The following IPO7 variants were observed in gnomAD, a reference collection of about 807,000 sequenced individuals.
IPO7 encodes the protein importin-7.
Under a neutral mutation model 136.4 loss-of-function variants are expected in IPO7, and 13 were observed. That is an observed-to-expected ratio of 0.10 (90% CI 0.06 to 0.15). The LOEUF (loss-of-function observed/expected upper bound fraction) is 0.15. Ranked by LOEUF, IPO7 falls within the 10% of genes least tolerant of loss-of-function variation. The probability of loss-of-function intolerance (pLI) is 1.00; values close to 1 mark genes in which losing one functional copy is unlikely to be tolerated. For synonymous variants in IPO7, 403 were observed against 404.4 expected (o/e 1.00, Z 0.04); for missense variants, 857 against 1,240.6 (o/e 0.69, Z 4.65).
intron 18 of IPO7, among the ~76,000 whole-genome samples, chr11:9,434,381 C>T (rs1316971653): frequency 6.6e-6 from 1 of 152,062 alleles, no homozygotes; most frequent in Non-Finnish European, 1.5e-5. Flanking sequence ...CCCACACACC[C>T]CCTTGTAATC....
At chr11:9,419,633 C>G (rs1214971479) in intron 6 of IPO7, among the ~76,000 whole-genome samples, 1 of 144,374 alleles carries the variant, frequency 6.9e-6, no homozygotes, top group Admixed American at 7.0e-5. Context: ...CCAATTCCTT[C>G]TTTCAGTGAT....
At position 9,433,734 on chromosome 11, in the gene IPO7, G is replaced by A. The variant is rs376648595; in HGVS notation, c.1962G>A (p.Glu654=). 3.1e-6 allele frequency: 5 copies of A among 1,612,560 alleles called. No individual in the cohort carries two copies. In the African/African-American group the frequency reaches 4.0e-5, roughly 13 times the overall value. Residue 654 remains glutamate, a synonymous_variant, in exon 18 of 25, where the codon GAG becomes GAA. Coordinates refer to ENST00000379719, the MANE Select transcript of IPO7 (RefSeq NM_006391.3). The stretch of plus-strand genomic sequence containing the variant: ...ATTCTCTTTTAGAATTCTATGAGGA[G>A]ATCTTCTCTTTAGCGCACAGTTTGA... ...LQQHVLEFYE[E]IFSLAHSLTC... is the part of the protein sequence containing the mutation.
In IPO7 at chr11:9,436,315, A is replaced by C; in HGVS notation, c.2217A>C (p.Ala739=). 2 of 1,614,032 alleles carry C rather than the reference A, an allele frequency of 1.2e-6. No homozygotes were observed. The highest frequency in any genetic ancestry group is 8.5e-7 in the Non-Finnish European group (1 of 1,179,922). ...GAGAAGATGCAGAGTGTCATGCAGC[A>C]AAATTGTTAGAGGTCATCATTCTGC... ...VAGEDAECHA[A]KLLEVIILQC... The change falls in exon 20 of 25, where the codon GCA becomes GCC. Residue 739 remains alanine, a synonymous_variant. Transcript: ENST00000379719.
At chr11:9,415,553 T>C (rs1855028304) in intron 5 of IPO7, among the ~76,000 whole-genome samples, 1 of 152,148 alleles carries the variant, frequency 6.6e-6, no homozygotes, top group African/African-American at 2.4e-5. Context: ...ACAGAAATGG[T>C]TGGGGCCGGG....
intron 24 of IPO7, among the ~76,000 whole-genome samples, chr11:9,443,871 GCCTGGGTGCCAGAGTGAGAC>G (rs2133769793): frequency 6.6e-6 from 1 of 152,140 alleles, no homozygotes; most frequent in South Asian, 2.1e-4. Flanking sequence ...CTGTACTCTA[GCCTGGGTGCCAGAGTGAGAC>G]CCCGTCTCCA....
chr11:9,408,704 G>GTTTTTTTT (rs377057603), intron 3 of IPO7, 65 bp downstream of exon 3: 24 of 173,322 alleles, frequency 1.4e-4, no homozygotes, highest in African/African-American at 3.8e-4. Flanking sequence ...TTGTTTTTTG[G>GTTTTTTTT]TTTTTTTTTT....
Position 9,402,250 on chromosome 11 carries a change from A to G in IPO7, c.85-1040A>G, listed in dbSNP as rs554346863. On this transcript the variant is annotated intron_variant, in intron 1 of 24. Transcript: ENST00000379719. ...CCCCGTCTCTATTAAAAATACAAAA[A>G]TTAGCCGGGCATGGTGGCACGTGCC... is the stretch of plus-strand genomic sequence containing the variant. Among the ~76,000 whole-genome samples the G allele has an allele frequency of 1.4e-4, 21 of 150,844 alleles. 2 individuals are homozygous for G. In the South Asian group the frequency reaches 4.2e-3, roughly 30 times the overall value.
chr11:9,421,929 G>T (rs953544128), intron 8 of IPO7, among the ~76,000 whole-genome samples: 2 of 151,594 alleles, frequency 1.3e-5, no homozygotes, highest in Non-Finnish European at 2.9e-5. Context: ...GGGCGACAGA[G>T]CAAGACTCCG....
At chr11:9,401,151 A>T (rs1054754810) in intron 1 of IPO7, among the ~76,000 whole-genome samples, 3 of 152,046 alleles carry the variant, frequency 2.0e-5, no homozygotes, top group Admixed American at 6.6e-5. Context: ...ATTGCACTCC[A>T]GCTTGGGCGA....
chr11:9,395,802 T>G (rs1293851950), intron 1 of IPO7, among the ~76,000 whole-genome samples: 1 of 152,008 alleles, frequency 6.6e-6, no homozygotes, highest in Non-Finnish European at 1.5e-5. Context: ...CTGCAACCTC[T>G]GCCTCCCAAG....
At position 9,446,970 on chromosome 11, in the gene IPO7, G is replaced by A. The variant is rs564789000; in HGVS notation, c.*1776G>A. The A allele has an allele frequency of 2.6e-5, 4 of 152,132 alleles. 1 individual carries two copies. Among genetic ancestry groups the A allele is most frequent in the African/African-American group, 9.6e-5 (4 of 41,522 alleles). The allele number at this position is 152,132 out of a possible 1,614,324, so 9.4% of individuals were successfully genotyped here. On this transcript the variant is annotated 3_prime_UTR_variant, in exon 25 of 25. Transcript: ENST00000379719. The stretch of plus-strand genomic sequence containing the variant: ...CCCCCCGAAAATCCCCTGAAAGTTG[G>A]ACACCAACTGTATACCCTAGGTTGC...
chr11:9,442,993 A>C (rs1855479430), intron 24 of IPO7, among the ~76,000 whole-genome samples: 1 of 151,998 alleles, frequency 6.6e-6, no homozygotes, highest in Admixed American at 6.6e-5. Context: ...ACTGTTCTCC[A>C]TCCTGGGCAA....
chr11:9,394,779 G>A (rs1854685971), intron 1 of IPO7, among the ~76,000 whole-genome samples: 1 of 152,040 alleles, frequency 6.6e-6, no homozygotes, highest in Non-Finnish European at 1.5e-5. Context: ...AGTGTCTGGC[G>A]CATTGTCAGT....
intron 10 of IPO7, 150 bp from the exon 11 acceptor site, chr11:9,424,764 T>G: frequency 1.8e-6 from 1 of 571,338 alleles, no homozygotes; most frequent in South Asian, 2.0e-5. Context: ...AGCATTCAAT[T>G]TGTACAGAAA....
chr11:9,416,157 C>T (rs1024449861), intron 5 of IPO7, among the ~76,000 whole-genome samples: 12 of 152,234 alleles, frequency 7.9e-5, no homozygotes, highest in South Asian at 2.1e-4. Flanking sequence ...CCTGACAGAG[C>T]GAGACCTGGT....
At chr11:9,433,419 A>G in intron 16 of IPO7, 151 bp from the exon 17 acceptor site, 1 of 561,106 alleles carries the variant, frequency 1.8e-6, no homozygotes, top group Non-Finnish European at 3.1e-6. Context: ...TGAGATCACA[A>G]TTTCATAATG....
chr11:9,444,813 G>T (rs1048593752), intron 24 of IPO7, among the ~76,000 whole-genome samples: 12 of 150,508 alleles, frequency 8.0e-5, no homozygotes, highest in African/African-American at 2.7e-4. Flanking sequence ...CTCCAGCCTG[G>T]GTGACAGAGC....
At chr11:9,410,992 A>C (rs1382290841) in intron 4 of IPO7, among the ~76,000 whole-genome samples, 1 of 152,192 alleles carries the variant, frequency 6.6e-6, no homozygotes, top group Non-Finnish European at 1.5e-5. Flanking sequence ...CAGGAGAGAA[A>C]TATACCATTT....
intron 8 of IPO7, among the ~76,000 whole-genome samples, chr11:9,422,431 A>G (rs892390211): frequency 5.3e-5 from 8 of 152,112 alleles, no homozygotes; most frequent in East Asian, 1.9e-4. Context: ...AAAAAAGACA[A>G]TATCATTATG....
Sources: allele counts gnomAD v4.1 joint callset (sites outside exome capture counted in the v4.1 genomes callset), GRCh38; gene constraint gnomAD v4.1.1; transcripts MANE v1.5; gene names NCBI Gene and HGNC (gene_info 2026-07-23, HGNC 2026-07-21).